Variants in CYP3A5 observed in about 807,000 individuals in gnomAD.
The protein encoded by CYP3A5 is cytochrome P450 3A5.
In CYP3A5, 51 loss-of-function variants were observed where a neutral mutation model predicts 55.9. The ratio of observed to expected loss-of-function variants is 0.91; its 90% CI spans 0.73 to 1.15. The LOEUF (loss-of-function observed/expected upper bound fraction) is 1.15. Ranked by LOEUF, CYP3A5 falls within the 50% of genes most tolerant of loss-of-function variation. The probability of loss-of-function intolerance (pLI) is 0.00; values close to 1 mark genes in which losing one functional copy is unlikely to be tolerated. For missense variants in CYP3A5, 533 were observed against 596.6 expected (o/e 0.89, Z 1.11); for synonymous variants, 196 against 213.9 (o/e 0.92, Z 0.73).
At chr7:99,672,719 C>G (rs759951219) in intron 3 of CYP3A5, 40 bp from the exon 4 acceptor site, 1 of 1,611,476 alleles carries the variant, frequency 6.2e-7, no homozygotes. Context: ...TTCACTAGCC[C>G]GATTCTGCAG....
intron 11 of CYP3A5, among the ~76,000 whole-genome samples, chr7:99,651,783 T>A (rs1372217246): frequency 1.3e-5 from 2 of 152,206 alleles, no homozygotes; most frequent in Admixed American, 1.3e-4. Context: ...CCTGACCTTG[T>A]CCCTGAATTC....
chr7:99,655,450 G>A (rs1809615358), intron 10 of CYP3A5, among the ~76,000 whole-genome samples: 1 of 152,144 alleles, frequency 6.6e-6, no homozygotes, highest in Non-Finnish European at 1.5e-5. Context: ...CTCTGTTTTG[G>A]TACCAGTACC....
chr7:99,650,402 A>G (rs1217439462), intron 11 of CYP3A5, among the ~76,000 whole-genome samples, 170 bp from the exon 12 acceptor site: 3 of 152,208 alleles, frequency 2.0e-5, no homozygotes, highest in Admixed American at 2.0e-4. Flanking sequence ...CGTTATAATC[A>G]TCATAACCTA....
At chr7:99,648,430 T>C (rs781251508) in intron 12 of CYP3A5, 30 bp from the exon 13 acceptor site, 1 of 1,547,324 alleles carries the variant, frequency 6.5e-7, no homozygotes, top group South Asian at 1.2e-5. Context: ...ATATGGAGAA[T>C]TAATAAATGA....
intron 4 of CYP3A5, among the ~76,000 whole-genome samples, chr7:99,669,106 C>T (rs1052713632): frequency 2.6e-5 from 4 of 152,084 alleles, no homozygotes; most frequent in Admixed American, 6.6e-5. Context: ...ATGGCTTCCA[C>T]AATGTCTTAA....
intron 4 of CYP3A5, among the ~76,000 whole-genome samples, chr7:99,670,227 T>C (rs953768196): frequency 6.6e-6 from 1 of 152,198 alleles, no homozygotes. Flanking sequence ...CAATGAAAAC[T>C]GGCTTACAGA....
In CYP3A5 at chr7:99,660,059, T is replaced by C. The variant is rs544216208; in HGVS notation, c.1026+440A>G. 1.2e-5 allele frequency: 4 copies of C among 322,628 alleles called. No homozygotes were observed. The South Asian group carries it at 3.7e-4, about 30-fold the overall frequency. 20.0% of individuals were successfully genotyped at this position (322,628 alleles called of 1,614,324 possible). A position where few individuals can be genotyped will look rare whatever the true frequency, so the allele number is the denominator to read the frequency against. On this transcript the variant is annotated intron_variant, in intron 10 of 12. Transcript: ENST00000222982. ...CTGCTTTGGCTCAGGCTGGGTGCAC[T>C]GCACCCACTGTCCTGCACCCACTCT...
In CYP3A5 at chr7:99,648,381, G is replaced by T; in HGVS notation, c.1433C>A (p.Thr478Lys). 2 of 1,609,672 alleles carry T rather than the reference G, an allele frequency of 1.2e-6. No homozygotes were observed. Among genetic ancestry groups the T allele is most frequent in the South Asian group, 1.1e-5 (1 of 90,778 alleles). The change falls in exon 13 of 13, where the codon ACG (threonine) becomes AAG (lysine). Residue 478 changes from threonine to lysine, a missense_variant. Coordinates refer to ENST00000222982, the MANE Select transcript of CYP3A5 (RefSeq NM_000777.5). ...TTTTTCTGGTTGAAGAAGTCCTTGC[G>T]TGTCTAATTTCAAGGGGATCTACAA... Reference protein sequence around the residue: ...KETQIPLKLDTQGLLQPEKPI... With the variant: ...KETQIPLKLDKQGLLQPEKPI...
chr7:99,663,043 C>G, intron 8 of CYP3A5, 161 bp from the exon 9 acceptor site: 1 of 1,367,940 alleles, frequency 7.3e-7, no homozygotes, highest in Non-Finnish European at 9.5e-7. Context: ...CAAAAACATT[C>G]ATCTAAATCC....
chr7:99,663,177 C>T, intron 8 of CYP3A5: 1 of 1,135,294 alleles, frequency 8.8e-7, no homozygotes, highest in Non-Finnish European at 1.1e-6. Context: ...CAAAGAGTTG[C>T]CGGTTCCATC....
In CYP3A5 at chr7:99,652,627, C is replaced by A. The variant is rs768513386; in HGVS notation, c.1179G>T (p.Met393Ile). 6.2e-7 allele frequency: 1 copy of A among 1,614,074 alleles called. No homozygotes were observed. Among genetic ancestry groups the A allele is most frequent in the South Asian group, 1.1e-5 (1 of 91,086 alleles). ...GAAGAGCATAAGTTGGAATCACCAC[C>A]ATTGACCCTTTGGGAATGAATACCC... ...INGVFIPKGS[M>I]VVIPTYALHH... Residue 393 changes from methionine to isoleucine, a missense_variant, in exon 11 of 13, where the codon ATG (methionine) becomes ATT (isoleucine). Transcript: ENST00000222982.
At position 99,655,020 on chromosome 7, in the gene CYP3A5, C is replaced by T. The variant is rs576156112; in HGVS notation, c.1027-2241G>A. On this transcript the variant is annotated intron_variant, in intron 10 of 12. Transcript: ENST00000222982. ...TAGGTTGCAAAAATTTTCTCCCATT[C>T]TGTCGGTTGCCTGTTCACTCTGATG... 5.5e-4 allele frequency among the ~76,000 whole-genome samples: 83 copies of T among 152,274 alleles called. 1 individual carries two copies. The highest frequency in any genetic ancestry group is 1.9e-3 in the African/African-American group (77 of 41,552).
At chr7:99,655,712 C>T (rs560873239) in intron 10 of CYP3A5, among the ~76,000 whole-genome samples, 1 of 152,302 alleles carries the variant, frequency 6.6e-6, no homozygotes, top group East Asian at 1.9e-4. Flanking sequence ...TACCCATGAG[C>T]ATGGAATGTT....
intron 1 of CYP3A5, chr7:99,677,114 C>T: frequency 1.1e-6 from 1 of 921,758 alleles, no homozygotes. Context: ...ACCCATTAAG[C>T]CTGGTGTTCA....
intron 7 of CYP3A5, among the ~76,000 whole-genome samples, chr7:99,664,963 G>A (rs372213731): frequency 2.0e-5 from 3 of 152,258 alleles, no homozygotes; most frequent in South Asian, 2.1e-4. Flanking sequence ...GGTTTGTGGT[G>A]GGGTGTTGAC....
At chr7:99,648,522 C>T (rs1562982043) in intron 12 of CYP3A5, 122 bp from the exon 13 acceptor site, 1 of 672,200 alleles carries the variant, frequency 1.5e-6, no homozygotes, top group East Asian at 2.8e-5. Flanking sequence ...ACTCTTAACA[C>T]CATGTATCTT....
At chr7:99,668,419 G>A (rs1286412072) in intron 4 of CYP3A5, among the ~76,000 whole-genome samples, 1 of 152,212 alleles carries the variant, frequency 6.6e-6, no homozygotes, top group Non-Finnish European at 1.5e-5. Flanking sequence ...TGCAGTCCAG[G>A]ATGGCTTTGA....
intron 10 of CYP3A5, among the ~76,000 whole-genome samples, chr7:99,658,025 G>C (rs1809955564): frequency 6.6e-6 from 1 of 152,106 alleles, no homozygotes; most frequent in South Asian, 2.1e-4. Context: ...GATGGGTCTT[G>C]ACTCTATCCA....
At chr7:99,665,369 C>T (rs1230469702) in intron 6 of CYP3A5, 55 bp from the exon 7 acceptor site, 7 of 1,604,234 alleles carry the variant, frequency 4.4e-6, no homozygotes, top group Non-Finnish European at 5.1e-6. Flanking sequence ...CGTCCTTCCA[C>T]TATACATGCA....
Sources: gnomAD v4.1 joint callset for allele counts (sites outside exome capture counted in the v4.1 genomes callset) on GRCh38, gnomAD v4.1.1 for gene constraint, MANE v1.5 for transcripts, NCBI Gene and HGNC (gene_info 2026-07-23, HGNC 2026-07-21) for gene names.